The following GSTK1 variants were observed in gnomAD, a reference collection of about 807,000 sequenced individuals.
The protein encoded by GSTK1 is glutathione S-transferase kappa 1.
A neutral mutation model predicts 30.9 loss-of-function variants in GSTK1; 25 were observed. The observed-to-expected ratio is 0.81, with a 90% CI of 0.59 to 1.13. The LOEUF (loss-of-function observed/expected upper bound fraction) is 1.13, where lower values mean the gene tolerates loss of function less well. GSTK1 is among the 50% of genes most tolerant of loss of function. The pLI is 0.00. For synonymous variants in GSTK1, 108 were observed against 112.5 expected, an observed-to-expected ratio of 0.96 and a Z score of 0.25; for missense variants, 292 against 292.4, an observed-to-expected ratio of 1.00 and a Z score of 0.01.
intron 1 of GSTK1, 116 bp downstream of exon 1, chr7:143,263,701 A>C: frequency 1.1e-6 from 1 of 951,516 alleles, no homozygotes; most frequent in Non-Finnish European, 1.6e-6. Flanking sequence ...CCAAGGGGTT[A>C]AGGCAAGCAG....
At chr7:143,265,748 A>T (rs1178310162) in intron 5 of GSTK1, among the ~76,000 whole-genome samples, 2 of 152,190 alleles carry the variant, frequency 1.3e-5, no homozygotes, top group African/African-American at 4.8e-5. Context: ...GAACAAATGG[A>T]AATAGCTCAA....
At chr7:143,264,444 GA>G in intron 2 of GSTK1, 103 bp from the exon 3 acceptor site, 31 of 1,197,020 alleles carry the variant, frequency 2.6e-5, no homozygotes, top group East Asian at 4.7e-5. Flanking sequence ...AACAACAAGA[GA>G]AAAAAAAGGA....
Position 143,265,306 on chromosome 7 carries a change from C to G in GSTK1, c.420+10C>G. ...GCAGAGCATCCTGGCGGTGAGTGTC[C>G]TGGCTCCACCCCAACTGCACTCATA... is the stretch of plus-strand genomic sequence containing the variant. On this transcript the variant is annotated intron_variant, in intron 5 of 7. Coordinates refer to ENST00000358406, the MANE Select transcript of GSTK1 (RefSeq NM_015917.3). 1 of 1,591,902 alleles carries G rather than the reference C, an allele frequency of 6.3e-7. No individual in the cohort carries two copies. The highest frequency in any genetic ancestry group is 8.6e-7 in the Non-Finnish European group (1 of 1,167,932).
In GSTK1 at chr7:143,267,612, C is replaced by A. The variant is rs1053192443; in HGVS notation, c.421-5C>A. 8.7e-6 allele frequency: 14 copies of A among 1,603,880 alleles called. No individual in the cohort carries two copies. Among genetic ancestry groups the A allele is most frequent in the African/African-American group, 1.3e-5 (1 of 74,718 alleles). Reference sequence around the variant, plus strand: ...ACAGTTGTATTCCCTACTATATTCCCTTAGGCTGCAGAGAAGGCTGGTATG... The same window carrying A: ...ACAGTTGTATTCCCTACTATATTCCATTAGGCTGCAGAGAAGGCTGGTATG... On this transcript the variant is annotated splice_polypyrimidine_tract_variant and splice_region_variant and intron_variant, in intron 5 of 7. Coordinates refer to ENST00000358406, the MANE Select transcript of GSTK1 (RefSeq NM_015917.3).
chr7:143,265,398 G>A lies in GSTK1; in HGVS notation c.420+102G>A, dbSNP rs1043366349. The A allele has an allele frequency of 1.2e-4, 128 of 1,050,038 alleles. No homozygotes were observed. In the African/African-American group the frequency reaches 1.7e-3, roughly 14 times the overall value. The allele number at this position is 1,050,038 out of a possible 1,614,324, so 65.0% of individuals were successfully genotyped here. The stretch of plus-strand genomic sequence containing the variant: ...ATAGGTCTCTTATTGCATGGAAAAG[G>A]TTATAATTACTGGGGAAGAAAGGAT... On this transcript the variant is annotated intron_variant, in intron 5 of 7. Coordinates refer to ENST00000358406, the MANE Select transcript of GSTK1 (RefSeq NM_015917.3).
chr7:143,264,531 C>T lies in GSTK1; in HGVS notation c.155-17C>T. 1 of 1,613,854 alleles carries T rather than the reference C, an allele frequency of 6.2e-7. No individual in the cohort carries two copies. Among genetic ancestry groups the T allele is most frequent in the Non-Finnish European group, 8.5e-7 (1 of 1,179,812 alleles). On this transcript the variant is annotated splice_polypyrimidine_tract_variant and intron_variant, in intron 2 of 7. Coordinates refer to ENST00000358406, the MANE Select transcript of GSTK1 (RefSeq NM_015917.3). Reference sequence around the variant, plus strand: ...TAGGTCTTTTCTCACTTAGCGTGCCCAACCTTCTCCTGGCAGGAAACAAGC... The same window carrying T: ...TAGGTCTTTTCTCACTTAGCGTGCCTAACCTTCTCCTGGCAGGAAACAAGC...
Position 143,268,771 on chromosome 7 carries a change from T to C in GSTK1, c.632-17T>C. 2 of 1,613,026 alleles carry C rather than the reference T, an allele frequency of 1.2e-6. No individual in the cohort carries two copies. Among genetic ancestry groups the C allele is most frequent in the East Asian group, 2.2e-5 (1 of 44,878 alleles). On this transcript the variant is annotated splice_polypyrimidine_tract_variant and intron_variant, in intron 7 of 7. Transcript: ENST00000358406. The surrounding 1 kb of genome is among the most constrained non-coding windows in gnomAD (Gnocchi z 4.1). ...ACCTGAGAACAGTGTGCAGAGTCTGTTGTTTTCTTCATCCAGGAGAGAAGT... is the reference window on the plus strand; with the variant it reads ...ACCTGAGAACAGTGTGCAGAGTCTGCTGTTTTCTTCATCCAGGAGAGAAGT...
Position 143,269,094 on chromosome 7 carries a change from C to T in GSTK1, c.*257C>T. 1.9e-6 allele frequency: 1 copy of T among 527,608 alleles called. No homozygotes were observed. The allele number at this position is 527,608 out of a possible 1,614,324, so 32.7% of individuals were successfully genotyped here. A position where few individuals can be genotyped will look rare whatever the true frequency, so the allele number is the denominator to read the frequency against. On this transcript the variant is annotated 3_prime_UTR_variant, in exon 8 of 8. Transcript: ENST00000358406. Reference sequence around the variant, plus strand: ...CAATTCTGCTTTCCCACAAAATAAACCTAATGCCATCAGGCAAAACATTTC... The same window carrying T: ...CAATTCTGCTTTCCCACAAAATAAATCTAATGCCATCAGGCAAAACATTTC...
rs1385016059 is a variant in GSTK1 at position 143,263,490 on chromosome 7, C to T, written c.-24C>T. The T allele has an allele frequency of 1.9e-6, 3 of 1,604,334 alleles. No homozygotes were observed. Among genetic ancestry groups the T allele is most frequent in the African/African-American group, 1.3e-5 (1 of 74,874 alleles). ...TTCCGGGAAAAGGAGCTCCTGCTGC[C>T]ACTGCTCTTCCGGAGCCTGCAGCAT... is the stretch of plus-strand genomic sequence containing the variant. On this transcript the variant is annotated 5_prime_UTR_variant, in exon 1 of 8. Transcript: ENST00000358406.
chr7:143,266,900 A>G (rs1000713105), intron 5 of GSTK1, among the ~76,000 whole-genome samples: 1 of 151,658 alleles, frequency 6.6e-6, no homozygotes, highest in Non-Finnish European at 1.5e-5. Context: ...GGCTGAAGCA[A>G]TCTCCTGCCT....
At chr7:143,264,910 G>T in intron 3 of GSTK1, 82 bp from the exon 4 acceptor site, 1 of 1,452,222 alleles carries the variant, frequency 6.9e-7, no homozygotes, top group Non-Finnish European at 9.5e-7. Flanking sequence ...AGCTCTGGGG[G>T]ATGTCAGAAG....
intron 5 of GSTK1, among the ~76,000 whole-genome samples, chr7:143,266,653 C>CTTTTTTTT (rs35527374): frequency 2.0e-3 from 127 of 63,314 alleles, no homozygotes; most frequent in Non-Finnish European, 2.7e-3. Context: ...TTCTTTCTTT[C>CTTTTTTTT]TTTTTTTTTT....
chr7:143,267,560 G>A, intron 5 of GSTK1, 57 bp from the exon 6 acceptor site: 1 of 1,342,986 alleles, frequency 7.4e-7, no homozygotes. Flanking sequence ...GTTTTCCTCT[G>A]AGATCCCCAT....
At chr7:143,264,196 A>G (rs1800802114) in intron 2 of GSTK1, 29 bp downstream of exon 2, 1 of 1,592,148 alleles carries the variant, frequency 6.3e-7, no homozygotes, top group African/African-American at 1.3e-5. Flanking sequence ...GGCAGGGGTG[A>G]TCTCAGTGGC....
In GSTK1 at chr7:143,268,242, C is replaced by T; in HGVS notation, c.631+58C>T. 1 of 1,374,338 alleles carries T rather than the reference C, an allele frequency of 7.3e-7. No individual in the cohort carries two copies. 85.1% of individuals were successfully genotyped at this position (1,374,338 alleles called of 1,614,324 possible). The stretch of plus-strand genomic sequence containing the variant: ...GTGCAGTGGCTCACGCCTGTAATCC[C>T]AGCACTTTGGTAGGCTGAGGCGAGC... On this transcript the variant is annotated intron_variant, in intron 7 of 7. Transcript: ENST00000358406. The surrounding 1 kb of genome is among the most constrained non-coding windows in gnomAD (Gnocchi z 4.1).
At chr7:143,264,472 A>G (rs1311064164) in intron 2 of GSTK1, 76 bp from the exon 3 acceptor site, 2 of 1,528,768 alleles carry the variant, frequency 1.3e-6, no homozygotes, top group African/African-American at 2.8e-5. Flanking sequence ...CCTCTGCCCA[A>G]AACCCACGTC....
intron 2 of GSTK1, 173 bp downstream of exon 2, chr7:143,264,340 A>G: frequency 1.3e-6 from 1 of 765,924 alleles, no homozygotes; most frequent in Non-Finnish European, 2.2e-6. Context: ...GCTACTCGGG[A>G]GGCTGAGGCG....
intron 4 of GSTK1, 23 bp from the exon 5 acceptor site, chr7:143,265,238 C>T (rs762516112): frequency 9.3e-6 from 15 of 1,605,358 alleles, no homozygotes; most frequent in Non-Finnish European, 1.3e-5. Context: ...CACCGCCTTC[C>T]TGCTGTCTTC....
rs756162057 is a variant in GSTK1 at position 143,264,159 on chromosome 7, A to C, written c.146A>C (p.Lys49Thr). ...CCCAGCCTCATAACAGGGATCATGA[A>C]AGACAGTGGTAGGAAGGGAGGGTCG... is the stretch of plus-strand genomic sequence containing the variant. ...LRPSLITGIMKDSGNKPPGLL... is the reference protein window; with the variant it reads ...LRPSLITGIMTDSGNKPPGLL... The change falls in exon 2 of 8, where the codon AAA becomes ACA. Residue 49 changes from lysine (K) to threonine (T), a missense_variant. Physicochemically the swap from Lys to Thr is moderately conservative, Grantham distance 78 (BLOSUM62 -1). Transcript: ENST00000358406. The C allele has an allele frequency of 1.2e-6, 2 of 1,613,918 alleles. No individual in the cohort carries two copies. Among genetic ancestry groups the C allele is most frequent in the Non-Finnish European group, 8.5e-7 (1 of 1,179,814 alleles).
Sources: gnomAD v4.1 joint callset for allele counts (sites outside exome capture counted in the v4.1 genomes callset) on GRCh38, gnomAD v4.1.1 for gene constraint, Gnocchi (gnomAD v3.1) non-coding constraint, MANE v1.5 for transcripts, NCBI Gene and HGNC (gene_info 2026-07-23, HGNC 2026-07-21) for gene names.